The following SLC66A1 variants were observed in gnomAD, a reference collection of about 807,000 sequenced individuals.
SLC66A1 encodes the protein solute carrier family 66 member 1.
A neutral mutation model predicts 33.0 loss-of-function variants in SLC66A1; 23 were observed. That is an observed-to-expected ratio of 0.70 (90% CI 0.50 to 0.99). The LOEUF (loss-of-function observed/expected upper bound fraction) is 0.99. Ranked by LOEUF, SLC66A1 falls within the 50% of genes least tolerant of loss-of-function variation. The pLI, the probability that SLC66A1 is intolerant of heterozygous loss-of-function variation, is 0.00. For synonymous variants in SLC66A1, 164 were observed against 175.5 expected, an observed-to-expected ratio of 0.93 and a Z score of 0.52; for missense variants, 335 against 383.6, an observed-to-expected ratio of 0.87 and a Z score of 1.06.
rs1185578484 is a variant in SLC66A1, at chr1:19,327,270, C to A, written c.662C>A (p.Ala221Glu). The A allele has an allele frequency of 1.2e-6, 2 of 1,613,792 alleles. No individual in the cohort carries two copies. Among genetic ancestry groups the A allele is most frequent in the African/African-American group, 2.7e-5 (2 of 74,898 alleles). The change falls in exon 7 of 8, where the codon GCG becomes GAG. Residue 221 changes from alanine to glutamate, a missense_variant. By Grantham distance (107) the Ala-to-Glu change is moderately radical (BLOSUM62 -1). Coordinates refer to ENST00000375153, the MANE Select transcript of SLC66A1 (RefSeq NM_001040125.2). ...CAGGGGATCTCCTACTCTCTGTTCG[C>A]GCTGGTGATGCTGGGGAACACGCTG... is the stretch of plus-strand genomic sequence containing the variant. Reference protein sequence around the residue: ...STQGISYSLFALVMLGNTLYG... With the variant: ...STQGISYSLFELVMLGNTLYG...
At chr1:19,331,640 C>T (rs935679160), downstream of SLC66A1, among the ~76,000 whole-genome samples, 1 of 152,222 alleles carries the variant, frequency 6.6e-6, no homozygotes, top group African/African-American at 2.4e-5. Context: ...CCCAGCTTGC[C>T]CTGGCCTGTG....
chr1:19,333,685 C>T (rs576507355), downstream of SLC66A1, among the ~76,000 whole-genome samples: 13 of 152,280 alleles, frequency 8.5e-5, no homozygotes, highest in African/African-American at 2.6e-4. The surrounding 1 kb of genome is among the most constrained non-coding windows in gnomAD (Gnocchi z 4.2). Flanking sequence ...GGTGAGGCGA[C>T]TCATGCCTGG....
chr1:19,325,435 G>T, intron 3 of SLC66A1, 60 bp from the exon 4 acceptor site: 1 of 1,214,448 alleles, frequency 8.2e-7, no homozygotes, highest in Non-Finnish European at 1.2e-6. Flanking sequence ...GAGGGCTGCC[G>T]GGGCGTGGTC....
chr1:19,334,166 G>C (rs1330588594), downstream of SLC66A1, among the ~76,000 whole-genome samples: 1 of 152,204 alleles, frequency 6.6e-6, no homozygotes, highest in African/African-American at 2.4e-5. Context: ...GGCAGAGACT[G>C]TCTCTCCTGT....
At position 19,325,537 on chromosome 1, in the gene SLC66A1, C is replaced by CT. The variant is rs760458012; in HGVS notation, c.338dup (p.Thr114AspfsTer46). 6.2e-7 allele frequency: 1 copy of CT among 1,610,140 alleles called. No homozygotes were observed. The highest frequency in any genetic ancestry group is 8.5e-7 in the Non-Finnish European group (1 of 1,177,030). On this transcript the variant is annotated frameshift_variant, in exon 4 of 8. Coordinates refer to ENST00000375153, the MANE Select transcript of SLC66A1 (RefSeq NM_001040125.2). LOFTEE classifies it high-confidence loss of function. ...TTATGTCTTGGCAGACCTGGTGATG[C>CT]TGACGCTGTACTTTTACTACAAGTT...
intron 2 of SLC66A1, among the ~76,000 whole-genome samples, chr1:19,320,885 G>A (rs55720850): frequency 0.32 from 48,091 of 148,658 alleles, 8,962 homozygotes; most frequent in Admixed American, 0.41. Context: ...GCTAATTTTT[G>A]TATTTTTAGT....
intron 6 of SLC66A1, 59 bp from the exon 7 acceptor site, chr1:19,327,168 C>G: frequency 1.3e-6 from 2 of 1,483,596 alleles, no homozygotes; most frequent in South Asian, 1.2e-5. Context: ...TGGACAGTTA[C>G]AATCCAGAGT....
intron 3 of SLC66A1, 134 bp from the exon 4 acceptor site, chr1:19,325,361 T>A (rs2093858385): frequency 1.6e-6 from 1 of 639,294 alleles, no homozygotes; most frequent in Non-Finnish European, 2.8e-6. Context: ...CCTTGCCAGA[T>A]AAGGAAACAG....
At chr1:19,313,086 C>G in intron 1 of SLC66A1, 197 bp downstream of exon 1, 1 of 505,816 alleles carries the variant, frequency 2.0e-6, no homozygotes, top group Non-Finnish European at 2.6e-6. Flanking sequence ...CCCTTGTAAT[C>G]GCTTGGCCTG....
chr1:19,317,839 C>T lies in SLC66A1; in HGVS notation c.162C>T (p.Phe54=). The T allele has an allele frequency of 6.2e-7, 1 of 1,613,418 alleles. No homozygotes were observed. The highest frequency in any genetic ancestry group is 8.5e-7 in the Non-Finnish European group (1 of 1,179,546). ...TTCTCTGCTTTGCTGCATCTACCTTCCCGTGAGTAGTGTCTTGGTGGCAGG... is the reference window on the plus strand; with the variant it reads ...TTCTCTGCTTTGCTGCATCTACCTTTCCGTGAGTAGTGTCTTGGTGGCAGG... ...ISILCFAAST[F]PQFIKAYKTG... The change falls in exon 2 of 8, where the codon TTC becomes TTT. Residue 54 remains phenylalanine, a splice_region_variant and synonymous_variant. Coordinates refer to ENST00000375153, the MANE Select transcript of SLC66A1 (RefSeq NM_001040125.2).
intron 2 of SLC66A1, 25 bp from the exon 3 acceptor site, chr1:19,324,608 A>G (rs41264067): frequency 0.28 from 444,727 of 1,612,836 alleles, 63,932 homozygotes; most frequent in South Asian, 0.32. Flanking sequence ...CTGAGCATGC[A>G]TCCCTTCCTC....
chr1:19,315,760 A>G (rs987684633), intron 1 of SLC66A1, among the ~76,000 whole-genome samples: 4 of 152,168 alleles, frequency 2.6e-5, no homozygotes, highest in Non-Finnish European at 5.9e-5. Context: ...CTCGAGCCAC[A>G]GAAGTCTTCT....
chr1:19,324,870 GACC>G, intron 3 of SLC66A1, 108 bp downstream of exon 3: 1 of 1,417,322 alleles, frequency 7.1e-7, no homozygotes. Flanking sequence ...CCAGAACCCT[GACC>G]CGTCATTCCA....
At chr1:19,334,294 C>T (rs1280922443), downstream of SLC66A1, among the ~76,000 whole-genome samples, 1 of 152,156 alleles carries the variant, frequency 6.6e-6, no homozygotes. Context: ...TAACCAACAA[C>T]CACAGAACTA....
At chr1:19,327,197 G>C (rs1350663919) in intron 6 of SLC66A1, 30 bp from the exon 7 acceptor site, 2 of 1,582,094 alleles carry the variant, frequency 1.3e-6, no homozygotes, top group Non-Finnish European at 1.7e-6. Flanking sequence ...GCCTGTTCGA[G>C]GTCTCTGACC....
intron 7 of SLC66A1, 117 bp downstream of exon 7, chr1:19,327,529 A>ATCCTTCCC: frequency 1.5e-6 from 1 of 680,258 alleles, no homozygotes; most frequent in Non-Finnish European, 2.3e-6. Context: ...CCATCCATCC[A>ATCCTTCCC]TCCCTCCCTC....
intron 7 of SLC66A1, chr1:19,327,647 C>T (rs7552150): frequency 0.036 from 25,244 of 705,566 alleles, 580 homozygotes; most frequent in African/African-American, 0.061. Flanking sequence ...CATGAGTGCC[C>T]CAGAAGCTTA....
chr1:19,331,077 TCTC>T (rs2093891193), downstream of SLC66A1, among the ~76,000 whole-genome samples: 1 of 152,170 alleles, frequency 6.6e-6, no homozygotes, highest in Non-Finnish European at 1.5e-5. Flanking sequence ...AATGGTGCGA[TCTC>T]AGCTCACTGC....
At chr1:19,317,913 G>T in intron 2 of SLC66A1, 72 bp downstream of exon 2, 1 of 1,557,882 alleles carries the variant, frequency 6.4e-7, no homozygotes, top group Non-Finnish European at 8.7e-7. Flanking sequence ...CTACTGCTCA[G>T]CGAGGGGTTG....
Sources: gnomAD v4.1 joint callset for allele counts (sites outside exome capture counted in the v4.1 genomes callset) on GRCh38, gnomAD v4.1.1 for gene constraint, Gnocchi (gnomAD v3.1) non-coding constraint, MANE v1.5 for transcripts, NCBI Gene and HGNC (gene_info 2026-07-23, HGNC 2026-07-21) for gene names.